CDC42BPA: variants seen among roughly 807,000 people sequenced by gnomAD.
CDC42BPA encodes the protein CDC42 binding protein kinase alpha.
A neutral mutation model predicts 223.5 loss-of-function variants in CDC42BPA; 80 were observed. The ratio of observed to expected loss-of-function variants is 0.36; its 90% CI spans 0.30 to 0.43. The LOEUF (loss-of-function observed/expected upper bound fraction) is 0.43, where lower values mean the gene tolerates loss of function less well. Ranked by LOEUF, CDC42BPA falls within the 20% of genes least tolerant of loss-of-function variation. The pLI, the probability that CDC42BPA is intolerant of heterozygous loss-of-function variation, is 1.00. For missense variants in CDC42BPA, 1,743 were observed against 2,099.9 expected (o/e 0.83, Z 3.32); for synonymous variants, 694 against 718.6 (o/e 0.97, Z 0.55).
At position 227,031,370 on chromosome 1, in the gene CDC42BPA, C is replaced by G; in HGVS notation, c.3703G>C (p.Val1235Leu). ...LKKNKFRDRS[V>L]YVPKEAYDST... ...TCATAAGCCTCTTTGGGAACATAGACTGAGCGGTCTCTGAATTTGTTTTTC... is the reference window on the plus strand; with the variant it reads ...TCATAAGCCTCTTTGGGAACATAGAGTGAGCGGTCTCTGAATTTGTTTTTC... The change falls in exon 28 of 37, where the codon GTC becomes CTC. Residue 1235 changes from valine to leucine, a missense_variant. By Grantham distance (32) the Val-to-Leu change is conservative (BLOSUM62 1). This residue lies in a region of CDC42BPA where 678 missense variants were observed against 777.5 expected (regional missense o/e 0.87). Coordinates refer to ENST00000366766, the MANE Select transcript of CDC42BPA (RefSeq NM_001394014.1). 6.2e-7 allele frequency: 1 copy of G among 1,614,090 alleles called. No individual in the cohort carries two copies. The highest frequency in any genetic ancestry group is 1.1e-5 in the South Asian group (1 of 91,078).
intron 2 of CDC42BPA, among the ~76,000 whole-genome samples, chr1:227,236,960 C>CT (rs1190981480): frequency 2.1e-5 from 3 of 144,146 alleles, no homozygotes; most frequent in Non-Finnish European, 4.5e-5. Context: ...TGAGGATCAA[C>CT]TGAGCTCAAG....
intron 21 of CDC42BPA, chr1:227,059,377 C>A: frequency 6.4e-7 from 1 of 1,562,934 alleles, no homozygotes; most frequent in Non-Finnish European, 8.7e-7. Context: ...TCTTACACGT[C>A]TGCCTTTGCT....
intron 4 of CDC42BPA, among the ~76,000 whole-genome samples, chr1:227,198,214 G>T (rs996524867): frequency 6.6e-6 from 1 of 151,860 alleles, no homozygotes; most frequent in Non-Finnish European, 1.5e-5. Context: ...ACCTTAGGGG[G>T]TCAAGCTGAG....
rs964687039 is a variant in CDC42BPA at position 227,052,401 on chromosome 1, T to C, written c.2905-416A>G. 4.6e-5 allele frequency among the ~76,000 whole-genome samples: 7 copies of C among 152,342 alleles called. No homozygotes were observed. The South Asian group carries it at 1.4e-3, about 32-fold the overall frequency. On this transcript the variant is annotated intron_variant, in intron 21 of 36. Transcript: ENST00000366766. ...TTGATAAGAATGAAGTTTGGTCTTT[T>C]ACTACTCATTAACTGAAAGTAAAAA...
chr1:227,151,513 T>C (rs759096146), intron 6 of CDC42BPA, among the ~76,000 whole-genome samples: 2 of 152,178 alleles, frequency 1.3e-5, no homozygotes, highest in African/African-American at 2.4e-5. Context: ...GAACTCTGGA[T>C]CACGTGGTAA....
chr1:227,289,914 G>C (rs1432657690), intron 1 of CDC42BPA, among the ~76,000 whole-genome samples: 1 of 145,964 alleles, frequency 6.9e-6, no homozygotes, highest in Non-Finnish European at 1.5e-5. Flanking sequence ...AGCTAGGCAT[G>C]GTGGTGTGCA....
At chr1:227,120,019 T>G in intron 11 of CDC42BPA, 82 bp from the exon 12 acceptor site, 1 of 1,129,654 alleles carries the variant, frequency 8.9e-7, no homozygotes, top group African/African-American at 1.6e-5. Context: ...TAAAATTTTT[T>G]TTAAAATTGG....
chr1:227,285,851 A>G (rs61081394), intron 1 of CDC42BPA, among the ~76,000 whole-genome samples: 5 of 138,628 alleles, frequency 3.6e-5, no homozygotes. Flanking sequence ...GGATATAGGT[A>G]AAGAAAAAAA....
intron 35 of CDC42BPA, among the ~76,000 whole-genome samples, chr1:227,003,400 C>T (rs900507153): frequency 2.6e-5 from 4 of 152,226 alleles, no homozygotes; most frequent in African/African-American, 9.6e-5. Flanking sequence ...TACCATGCTC[C>T]CGGGAAAGCA....
At chr1:227,293,011 G>A (rs1397279785) in intron 1 of CDC42BPA, among the ~76,000 whole-genome samples, 1 of 152,124 alleles carries the variant, frequency 6.6e-6, no homozygotes, top group African/African-American at 2.4e-5. Flanking sequence ...AGTTTTAGAT[G>A]TTATTTCTTC....
At chr1:227,108,829 C>T (rs1032334713) in intron 14 of CDC42BPA, among the ~76,000 whole-genome samples, 1 of 152,110 alleles carries the variant, frequency 6.6e-6, no homozygotes. Context: ...CTTGTGTGAA[C>T]ATAAGTTGTA....
chr1:227,020,863 T>C (rs552660503), intron 32 of CDC42BPA, among the ~76,000 whole-genome samples: 24 of 152,330 alleles, frequency 1.6e-4, no homozygotes, highest in Admixed American at 7.2e-4. Context: ...CATTTCTAGC[T>C]TTTGATTTAA....
chr1:227,313,181 A>C (rs761555799), intron 1 of CDC42BPA, among the ~76,000 whole-genome samples: 1 of 152,204 alleles, frequency 6.6e-6, no homozygotes, highest in Non-Finnish European at 1.5e-5. Context: ...ATGTTCCTAA[A>C]AACAAAAAAA....
intron 10 of CDC42BPA, among the ~76,000 whole-genome samples, chr1:227,134,401 C>G (rs920249588): frequency 1.3e-5 from 2 of 152,148 alleles, no homozygotes; most frequent in Non-Finnish European, 2.9e-5. Context: ...AAATATCTGG[C>G]GATCCTAAAC....
intron 1 of CDC42BPA, among the ~76,000 whole-genome samples, chr1:227,268,831 A>G (rs2148446576): frequency 6.6e-6 from 1 of 151,622 alleles, no homozygotes; most frequent in East Asian, 2.0e-4. Context: ...GACTACAGGC[A>G]CATGCTACTA....
chr1:227,145,797 T>C (rs955803482), intron 7 of CDC42BPA, 60 bp from the exon 8 acceptor site: 130 of 1,342,606 alleles, frequency 9.7e-5, no homozygotes, highest in South Asian at 1.4e-4. Context: ...AAGTAGTTGG[T>C]TGACTTATTT....
intron 15 of CDC42BPA, among the ~76,000 whole-genome samples, chr1:227,097,286 T>G (rs1036035219): frequency 7.2e-5 from 11 of 152,028 alleles, no homozygotes; most frequent in Non-Finnish European, 1.5e-4. Context: ...CTGCCTCTAC[T>G]TTTCCACAAA....
intron 5 of CDC42BPA, among the ~76,000 whole-genome samples, chr1:227,164,221 T>C (rs1664612083): frequency 6.6e-6 from 1 of 152,210 alleles, no homozygotes; most frequent in African/African-American, 2.4e-5. Context: ...TATAAAATAA[T>C]GAGCTTCCTA....
At chr1:227,151,348 T>C (rs77121375) in intron 6 of CDC42BPA, among the ~76,000 whole-genome samples, 3,166 of 152,326 alleles carry the variant, frequency 0.021, 122 homozygotes, top group African/African-American at 0.072. Context: ...CTTTTTAAAA[T>C]TGATTGATAT....
Sources: allele counts gnomAD v4.1 joint callset (sites outside exome capture counted in the v4.1 genomes callset), GRCh38; gene constraint gnomAD v4.1.1; regional missense constraint gnomAD v4.1.1; transcripts MANE v1.5; gene names NCBI Gene and HGNC (gene_info 2026-07-23, HGNC 2026-07-21).